PACS2: variants seen among roughly 807,000 people sequenced by gnomAD.
PACS2 encodes the protein PACS1-like protein.
A neutral mutation model predicts 113.0 loss-of-function variants in PACS2; 36 were observed. The observed-to-expected ratio is 0.32, with a 90% CI of 0.24 to 0.42. The LOEUF (loss-of-function observed/expected upper bound fraction) is 0.42, where lower values mean the gene tolerates loss of function less well. Ranked by LOEUF, PACS2 falls within the 10% of genes least tolerant of loss-of-function variation. PACS2 has a pLI of 1.00. For synonymous variants in PACS2, 589 were observed against 536.1 expected (o/e 1.10, Z -1.36); for missense variants, 1,015 against 1,239.5 (o/e 0.82, Z 2.72).
In PACS2 at chr14:105,340,371, G is replaced by T. The variant is rs76375411; in HGVS notation, c.120-8122G>T. ...GTGAAAAAGAGGAAGGAACAAATGGGGGAGTGGGATGGATTAAAGCAGTGG... is the reference window on the plus strand; with the variant it reads ...GTGAAAAAGAGGAAGGAACAAATGGTGGAGTGGGATGGATTAAAGCAGTGG... On this transcript the variant is annotated intron_variant, in intron 1 of 24. Coordinates refer to ENST00000447393, the MANE Select transcript of PACS2 (RefSeq NM_001100913.3). This position sits in a 1 kb window ranked among gnomAD's most constrained non-coding sequence, Gnocchi z 4.2. Among the ~76,000 whole-genome samples, 2,298 of 152,294 alleles carry T rather than the reference G, an allele frequency of 0.015. 59 individuals are homozygous for T. Among genetic ancestry groups the T allele is most frequent in the African/African-American group, 0.05 (2,088 of 41,556 alleles).
rs141701082 is a variant in PACS2 at position 105,369,913 on chromosome 14, C to T, written c.801+13C>T. On this transcript the variant is annotated intron_variant, in intron 8 of 24. Coordinates refer to ENST00000447393, the MANE Select transcript of PACS2 (RefSeq NM_001100913.3). ...AGTGTCCGACGAGGTGAGTGCGCCG[C>T]GCCTTCTGCTCGCGGCCCCCACGCC... 1,025 of 1,596,540 alleles carry T rather than the reference C, an allele frequency of 6.4e-4. 2 individuals carry two copies. The African/African-American group carries it at 7.9e-3, about 12-fold the overall frequency.
intron 13 of PACS2, 59 bp from the exon 14 acceptor site, chr14:105,382,418 G>A (rs587669588): frequency 8.7e-5 from 87 of 1,001,998 alleles, no homozygotes; most frequent in Non-Finnish European, 1.2e-4. Flanking sequence ...CAGGGCTGGC[G>A]TGGTGGGGAT....
intron 24 of PACS2, 85 bp from the exon 25 acceptor site, chr14:105,394,469 C>G (rs1432255811): frequency 2.5e-6 from 4 of 1,586,532 alleles, no homozygotes; most frequent in African/African-American, 1.3e-5. Flanking sequence ...CCGGCTGCCA[C>G]CCAGCCTGGT....
At chr14:105,334,404 T>C (rs2059422851) in intron 1 of PACS2, among the ~76,000 whole-genome samples, 1 of 152,178 alleles carries the variant, frequency 6.6e-6, no homozygotes, top group Non-Finnish European at 1.5e-5. Flanking sequence ...AGAAAGTATG[T>C]GCAGGGCTTC....
intron 24 of PACS2, among the ~76,000 whole-genome samples, chr14:105,393,704 C>T (rs1432166449): frequency 6.6e-6 from 1 of 151,888 alleles, no homozygotes; most frequent in Non-Finnish European, 1.5e-5. Flanking sequence ...ATTCTCCTGC[C>T]TGAGCCTCCC....
In PACS2 at chr14:105,305,025, A is replaced by G. The variant is rs141797678; in HGVS notation, c.-83+4046A>G. On this transcript the variant is annotated intron_variant, in intron 1 of 23. Coordinates refer to the PACS2 transcript ENST00000430725. Reference sequence around the variant, plus strand: ...TCCATATGTTGACGTCCTTGCCCCAAGGCGATGGTTTTAGAGAGGTGGGGC... The same window carrying G: ...TCCATATGTTGACGTCCTTGCCCCAGGGCGATGGTTTTAGAGAGGTGGGGC... Among the ~76,000 whole-genome samples the G allele has an allele frequency of 3.6e-3, 555 of 152,332 alleles. 3 individuals are homozygous for G. The highest frequency in any genetic ancestry group is 0.012 in the African/African-American group (486 of 41,572).
chr14:105,391,276 G>A (rs1555414756), intron 21 of PACS2, 27 bp downstream of exon 21: 1 of 1,585,214 alleles, frequency 6.3e-7, no homozygotes, highest in Non-Finnish European at 8.7e-7. Flanking sequence ...CTGAGGCCTT[G>A]TGAGTGGCCC....
chr14:105,307,789 G>A (rs587692636), intron 1 of PACS2, among the ~76,000 whole-genome samples: 10 of 152,338 alleles, frequency 6.6e-5, no homozygotes, highest in Admixed American at 2.0e-4. Flanking sequence ...GAGGACATGT[G>A]TCTGGTAGAC....
intron 1 of PACS2, among the ~76,000 whole-genome samples, chr14:105,327,371 C>T (rs1168244780): frequency 2.0e-5 from 3 of 152,174 alleles, no homozygotes; most frequent in Non-Finnish European, 1.5e-5. Context: ...CACTGGGGAT[C>T]GTGGGCCTGA....
chr14:105,382,742 G>T, intron 14 of PACS2, 65 bp from the exon 15 acceptor site: 1 of 1,068,618 alleles, frequency 9.4e-7, no homozygotes, highest in Non-Finnish European at 1.4e-6. Flanking sequence ...GCTTTGGTGA[G>T]GGTCAGGTGC....
intron 23 of PACS2, 111 bp from the exon 24 acceptor site, chr14:105,393,103 TAGGTGAGC>T (rs1466808455): frequency 1.3e-5 from 10 of 799,772 alleles, no homozygotes; most frequent in Non-Finnish European, 2.1e-5. Flanking sequence ...GCAGGTTTCC[TAGGTGAGC>T]AGTGCCATGA....
intron 3 of PACS2, among the ~76,000 whole-genome samples, chr14:105,353,696 C>A (rs587727542): frequency 3.4e-4 from 52 of 152,022 alleles, no homozygotes; most frequent in African/African-American, 1.3e-3. Flanking sequence ...CGAGTTCAAG[C>A]GATTCTCCTG....
At chr14:105,364,076 A>G (rs2060832444) in intron 4 of PACS2, among the ~76,000 whole-genome samples, 1 of 152,224 alleles carries the variant, frequency 6.6e-6, no homozygotes. Context: ...ACAGATCACC[A>G]TACAGATATA....
intron 1 of PACS2, among the ~76,000 whole-genome samples, chr14:105,328,790 A>G (rs1213074764): frequency 1.3e-5 from 2 of 152,194 alleles, no homozygotes; most frequent in East Asian, 1.9e-4. Context: ...GATTAGACTC[A>G]TTGTAAAAAA....
Position 105,394,824 on chromosome 14 carries a change from G to T in PACS2, c.*152G>T, listed in dbSNP as rs1008236198. On this transcript the variant is annotated 3_prime_UTR_variant, in exon 25 of 25. Transcript: ENST00000447393. ...ATGTGCTCACAACGTGGAAACTAAC[G>T]GGGGAGCTCCTGCCAGGAGCCGAAT... 3.1e-6 allele frequency: 2 copies of T among 636,568 alleles called. No homozygotes were observed. Among genetic ancestry groups the T allele is most frequent in the Non-Finnish European group, 5.7e-6 (2 of 353,186 alleles). The allele number at this position is 636,568 out of a possible 1,614,324, so 39.4% of individuals were successfully genotyped here. A position where few individuals can be genotyped will look rare whatever the true frequency, so the allele number is the denominator to read the frequency against.
chr14:105,367,514 CTG>C, intron 5 of PACS2, 139 bp downstream of exon 5: 1 of 819,788 alleles, frequency 1.2e-6, no homozygotes, highest in Non-Finnish European at 2.0e-6. Flanking sequence ...GCTCTCCTGT[CTG>C]GAAGCCACAG....
Position 105,379,975 on chromosome 14 carries a change from C to T in PACS2, c.1051-105C>T, listed in dbSNP as rs945502801. ...GCACCCACTGTCCAGCACACTGCCACGCAGGTACCCCGGGCCTCCCTGAGT... is the reference window on the plus strand; with the variant it reads ...GCACCCACTGTCCAGCACACTGCCATGCAGGTACCCCGGGCCTCCCTGAGT... On this transcript the variant is annotated intron_variant, in intron 10 of 24. Coordinates refer to ENST00000447393, the MANE Select transcript of PACS2 (RefSeq NM_001100913.3). 2.1e-5 allele frequency: 27 copies of T among 1,314,258 alleles called. No individual in the cohort carries two copies. In the South Asian group the frequency reaches 2.7e-4, roughly 13 times the overall value. 81.4% of individuals were successfully genotyped at this position (1,314,258 alleles called of 1,614,324 possible).
At chr14:105,393,367 T>C in intron 24 of PACS2, 32 bp downstream of exon 24, 1 of 1,491,508 alleles carries the variant, frequency 6.7e-7, no homozygotes, top group Non-Finnish European at 9.3e-7. Flanking sequence ...GTCTGTAGAG[T>C]GGGACGTAGG....
intron 7 of PACS2, among the ~76,000 whole-genome samples, chr14:105,369,522 G>A (rs371875717): frequency 2.2e-4 from 33 of 152,352 alleles, no homozygotes; most frequent in African/African-American, 7.2e-4. Flanking sequence ...TCCTTCTGGG[G>A]TCGGCCAGGG....
Sources: allele counts gnomAD v4.1 joint callset (sites outside exome capture counted in the v4.1 genomes callset), GRCh38; gene constraint gnomAD v4.1.1; non-coding constraint Gnocchi (gnomAD v3.1); transcripts MANE v1.5; gene names NCBI Gene and HGNC (gene_info 2026-07-23, HGNC 2026-07-21).